The following GATAD2A variants were observed in gnomAD, a reference collection of about 807,000 sequenced individuals.
The protein encoded by GATAD2A is transcriptional repressor p66-alpha.
In GATAD2A, 12 loss-of-function variants were observed where a neutral mutation model predicts 68.5. The ratio of observed to expected loss-of-function variants is 0.18; its 90% CI spans 0.11 to 0.28. The LOEUF (loss-of-function observed/expected upper bound fraction) is 0.28, where lower values mean the gene tolerates loss of function less well. GATAD2A is among the 10% of genes least tolerant of loss of function. The pLI is 1.00. For synonymous variants in GATAD2A, 410 were observed against 375.3 expected, an observed-to-expected ratio of 1.09 and a Z score of -1.07; for missense variants, 755 against 868.5, an observed-to-expected ratio of 0.87 and a Z score of 1.64.
At chr19:19,497,132 C>T (rs1053739644) in intron 7 of GATAD2A, among the ~76,000 whole-genome samples, 1 of 152,178 alleles carries the variant, frequency 6.6e-6, no homozygotes, top group Non-Finnish European at 1.5e-5. Context: ...ACAAGAGTCT[C>T]CCTCTGTTAC....
chr19:19,407,012 C>T, intron 1 of GATAD2A, among the ~76,000 whole-genome samples: 1 of 152,210 alleles, frequency 6.6e-6, no homozygotes, highest in East Asian at 1.9e-4. Flanking sequence ...GAGTGAGTCA[C>T]TTGAGCCTTT....
At chr19:19,436,312 C>A in intron 1 of GATAD2A, 1 of 599,826 alleles carries the variant, frequency 1.7e-6, no homozygotes, top group Non-Finnish European at 3.0e-6. Context: ...GTGAGTGCTG[C>A]TTCAGCCACC....
At chr19:19,391,249 G>A (rs1236056443) in intron 1 of GATAD2A, among the ~76,000 whole-genome samples, 2 of 152,132 alleles carry the variant, frequency 1.3e-5, no homozygotes, top group African/African-American at 4.8e-5. Flanking sequence ...CTAGGCCCCT[G>A]GTGGGCTGCT....
chr19:19,456,153 CAAAA>C (rs397859145), intron 1 of GATAD2A, among the ~76,000 whole-genome samples: 6 of 94,286 alleles, frequency 6.4e-5, no homozygotes, highest in African/African-American at 1.2e-4. Context: ...GACTCCATCT[CAAAA>C]AAAAAAAAAA....
intron 1 of GATAD2A, among the ~76,000 whole-genome samples, chr19:19,453,640 C>T (rs1364298233): frequency 5.3e-5 from 8 of 151,576 alleles, no homozygotes; most frequent in Admixed American, 1.3e-4. Context: ...AGACCACAGG[C>T]GTGTACCACC....
chr19:19,451,013 G>T (rs947306137), intron 1 of GATAD2A, among the ~76,000 whole-genome samples: 8 of 150,508 alleles, frequency 5.3e-5, no homozygotes, highest in Non-Finnish European at 1.2e-4. Context: ...CATGTGATCC[G>T]CCTGCCTCAG....
intron 1 of GATAD2A, among the ~76,000 whole-genome samples, chr19:19,464,151 G>C (rs2057687938): frequency 2.0e-5 from 3 of 152,182 alleles, no homozygotes; most frequent in African/African-American, 7.2e-5. Context: ...TGAGTGCCCT[G>C]CCTGTGAGGA....
chr19:19,478,423 A>C (rs952471824), intron 2 of GATAD2A, among the ~76,000 whole-genome samples: 15 of 152,200 alleles, frequency 9.9e-5, no homozygotes, highest in Non-Finnish European at 2.1e-4. Flanking sequence ...CAACATGGCA[A>C]ATCCCCGTTG....
intron 1 of GATAD2A, among the ~76,000 whole-genome samples, chr19:19,420,005 C>CTTTTTTTTTTTTTT (rs397859927): frequency 1.5e-5 from 1 of 68,712 alleles, no homozygotes; most frequent in African/African-American, 7.3e-5. Context: ...ACCATCTTGA[C>CTTTTTTTTTTTTTT]TTTTTTTTTT....
At position 19,465,853 on chromosome 19, in the gene GATAD2A, C is replaced by T. The variant is rs1361965916; in HGVS notation, c.269+239C>T. ...GGGTCTCACAGGAGAAGGAGTGGCA[C>T]ATTCCATCAGCTCCCCTGCCATCAG... On this transcript the variant is annotated intron_variant, in intron 2 of 11. Transcript: ENST00000683918. Among the ~76,000 whole-genome samples the T allele has an allele frequency of 3.9e-5, 6 of 152,254 alleles. No homozygotes were observed. In the East Asian group the frequency reaches 9.6e-4, roughly 24 times the overall value.
intron 1 of GATAD2A, among the ~76,000 whole-genome samples, chr19:19,439,873 A>G (rs1251837572): frequency 1.3e-5 from 2 of 152,144 alleles, no homozygotes; most frequent in African/African-American, 2.4e-5. Context: ...AAAAAACACA[A>G]AAAAGCAAAA....
intron 1 of GATAD2A, among the ~76,000 whole-genome samples, chr19:19,417,899 T>A (rs2051848580): frequency 6.6e-6 from 1 of 152,134 alleles, no homozygotes; most frequent in South Asian, 2.1e-4. Context: ...GCTCGACCAG[T>A]GCTGAGCCCC....
chr19:19,485,792 G>T (rs1025218554), intron 2 of GATAD2A, among the ~76,000 whole-genome samples: 1 of 152,222 alleles, frequency 6.6e-6, no homozygotes, highest in Admixed American at 6.5e-5. Flanking sequence ...CTGGTGTACA[G>T]GGTTTGTCAG....
chr19:19,403,561 T>TA (rs375757555), upstream of GATAD2A, among the ~76,000 whole-genome samples: 3,031 of 144,186 alleles, frequency 0.021, 64 homozygotes, highest in African/African-American at 0.05. Flanking sequence ...GCCTCCCTCT[T>TA]AAAAAAAAAA....
At chr19:19,491,825 G>A (rs1161765413) in intron 2 of GATAD2A, among the ~76,000 whole-genome samples, 1 of 152,208 alleles carries the variant, frequency 6.6e-6, no homozygotes, top group South Asian at 2.1e-4. Context: ...CAGGGAGCTG[G>A]GCTCCCCTTC....
At position 19,465,474 on chromosome 19, in the gene GATAD2A, C is replaced by T. The variant is rs776765277; in HGVS notation, c.129C>T (p.Asp43=). Residue 43 remains aspartate (D), a synonymous_variant, in exon 2 of 12, where the codon GAC becomes GAT. Coordinates refer to ENST00000683918, the MANE Select transcript of GATAD2A (RefSeq NM_001384528.1). ...TGTTGGCTTCAGATTTAAACACTGA[C>T]GGAGACATGAGGGTGACACCTGAGC... ...RGLLASDLNT[D]GDMRVTPEPG... The T allele has an allele frequency of 1.3e-5, 21 of 1,613,894 alleles. No homozygotes were observed. In the East Asian group the frequency reaches 1.8e-4, roughly 14 times the overall value.
chr19:19,407,335 G>T lies in GATAD2A; in HGVS notation c.-7+1316G>T, dbSNP rs536185441. ...GACCACAAGCTGTGGAGGGCTGATAGCTCATACTAGCCCTCGGGTTTGAGT... is the reference window on the plus strand; with the variant it reads ...GACCACAAGCTGTGGAGGGCTGATATCTCATACTAGCCCTCGGGTTTGAGT... On this transcript the variant is annotated intron_variant, in intron 1 of 11. Coordinates refer to ENST00000683918, the MANE Select transcript of GATAD2A (RefSeq NM_001384528.1). Among the ~76,000 whole-genome samples, 11 of 152,376 alleles carry T rather than the reference G, an allele frequency of 7.2e-5. 1 individual carries two copies. The South Asian group carries it at 1.9e-3, about 26-fold the overall frequency.
intron 1 of GATAD2A, among the ~76,000 whole-genome samples, chr19:19,408,901 G>C (rs2050600539): frequency 6.6e-6 from 1 of 152,160 alleles, no homozygotes; most frequent in African/African-American, 2.4e-5. Context: ...TTAAGGCAAG[G>C]GCTGGTGCAG....
At chr19:19,440,069 G>T (rs2147621050) in intron 1 of GATAD2A, 1 of 356,108 alleles carries the variant, frequency 2.8e-6, no homozygotes, top group Non-Finnish European at 5.5e-6. Context: ...TCTGCCTACA[G>T]GGTGGTGCCT....
Sources: gnomAD v4.1 joint callset for allele counts (sites outside exome capture counted in the v4.1 genomes callset) on GRCh38, gnomAD v4.1.1 for gene constraint, MANE v1.5 for transcripts, NCBI Gene and HGNC (gene_info 2026-07-23, HGNC 2026-07-21) for gene names.